The following KATNBL1 variants were observed in gnomAD, a reference collection of about 807,000 sequenced individuals.
KATNBL1 encodes KATNB1-like protein 1.
A neutral mutation model predicts 44.7 loss-of-function variants in KATNBL1; 28 were observed. That is an observed-to-expected ratio of 0.63 (90% CI 0.46 to 0.86). The LOEUF (loss-of-function observed/expected upper bound fraction) is 0.86. Among genes scored for constraint, KATNBL1 ranks in the 40% least tolerant of loss-of-function variants. The probability of loss-of-function intolerance (pLI) is 0.00; values close to 1 mark genes in which losing one functional copy is unlikely to be tolerated. For missense variants in KATNBL1, 272 were observed against 350.7 expected (o/e 0.78, Z 1.79); for synonymous variants, 78 against 114.9 (o/e 0.68, Z 2.06).
Position 34,163,525 on chromosome 15 carries a change from T to C in KATNBL1, c.117+35A>G, listed in dbSNP as rs76821863. 2,829 of 1,571,008 alleles carry C rather than the reference T, an allele frequency of 1.8e-3. 61 individuals are homozygous for C. In the East Asian group the frequency reaches 0.051, roughly 28 times the overall value. ...ATATCTAGAGACCTAACCGTTTAAA[T>C]TGTCTTATCTGTTTTCTAGAAACCA... On this transcript the variant is annotated intron_variant, in intron 2 of 9. Transcript: ENST00000256544.
intron 2 of KATNBL1, among the ~76,000 whole-genome samples, chr15:34,162,280 T>C (rs1206147941): frequency 6.6e-6 from 1 of 152,198 alleles, no homozygotes; most frequent in Non-Finnish European, 1.5e-5. Context: ...ATACTGTTTT[T>C]GTGGTAGTGA....
intron 2 of KATNBL1, among the ~76,000 whole-genome samples, chr15:34,161,355 A>G (rs1468729599): frequency 6.6e-6 from 1 of 152,208 alleles, no homozygotes; most frequent in African/African-American, 2.4e-5. Flanking sequence ...AGGCCACCGC[A>G]ATGAGGCTGC....
chr15:34,178,624 T>C (rs928977428), intron 1 of KATNBL1, among the ~76,000 whole-genome samples: 17 of 151,926 alleles, frequency 1.1e-4, no homozygotes, highest in Non-Finnish European at 2.4e-4. Flanking sequence ...GGTGTGGTGG[T>C]GGGCACTTGT....
intron 1 of KATNBL1, among the ~76,000 whole-genome samples, chr15:34,188,035 A>G (rs1371843365): frequency 6.9e-6 from 1 of 145,088 alleles, no homozygotes; most frequent in Non-Finnish European, 1.5e-5. Flanking sequence ...GCTGCTCGGT[A>G]GGTTGGGGCA....
At chr15:34,142,554 A>T in intron 9 of KATNBL1, 183 bp from the exon 10 acceptor site, 1 of 551,606 alleles carries the variant, frequency 1.8e-6, no homozygotes, top group Non-Finnish European at 3.1e-6. Flanking sequence ...GGCACATAGT[A>T]TGTGCTCAAT....
intron 1 of KATNBL1, among the ~76,000 whole-genome samples, chr15:34,205,920 T>C (rs1035164933): frequency 3.3e-5 from 5 of 152,152 alleles, no homozygotes; most frequent in Non-Finnish European, 5.9e-5. Flanking sequence ...CTTTTAAAAA[T>C]GCCTTTAGGA....
chr15:34,152,809 T>C lies in KATNBL1; in HGVS notation c.419A>G (p.Tyr140Cys), dbSNP rs779505498. The C allele has an allele frequency of 1.9e-6, 3 of 1,612,222 alleles. No individual in the cohort carries two copies. The highest frequency in any genetic ancestry group is 2.5e-6 in the Non-Finnish European group (3 of 1,178,864). The stretch of plus-strand genomic sequence containing the variant: ...ACTTACCTCAGAAAAAAACCCACTA[T>C]ATTTTGATGATGGGCTTTCTGTCTG... ...SSQTESPSSK[Y>C]SGFFSEVSQD... Residue 140 changes from tyrosine (Y) to cysteine (C), a missense_variant, in exon 4 of 10, where the codon TAT becomes TGT. By Grantham distance (194) the Tyr-to-Cys change is radical (BLOSUM62 -2). This residue lies in a region of KATNBL1 where 111 missense variants were observed against 149.3 expected (regional missense o/e 0.74). Coordinates refer to ENST00000256544, the MANE Select transcript of KATNBL1 (RefSeq NM_024713.3).
chr15:34,156,088 A>C (rs1255709564), intron 2 of KATNBL1, among the ~76,000 whole-genome samples: 1 of 152,190 alleles, frequency 6.6e-6, no homozygotes, highest in Non-Finnish European at 1.5e-5. Context: ...GCAAAGGTCT[A>C]CCACAATATC....
In KATNBL1 at chr15:34,160,962, C is replaced by T. The variant is rs188859382; in HGVS notation, c.117+2598G>A. Among the ~76,000 whole-genome samples, 16 of 152,314 alleles carry T rather than the reference C, an allele frequency of 1.1e-4. No individual in the cohort carries two copies. In the East Asian group the frequency reaches 2.5e-3, roughly 24 times the overall value. On this transcript the variant is annotated intron_variant, in intron 2 of 9. Coordinates refer to ENST00000256544, the MANE Select transcript of KATNBL1 (RefSeq NM_024713.3). ...GAGGCTTCTCACATTCTTCTACTTT[C>T]GCTTTATCCTTCTCTGGCTGCTTCC...
intron 9 of KATNBL1, among the ~76,000 whole-genome samples, chr15:34,144,501 C>T (rs16958835): frequency 0.21 from 31,219 of 150,984 alleles, 4,036 homozygotes; most frequent in African/African-American, 0.37. Flanking sequence ...GCAGTATGCC[C>T]GGTAATAAAG....
intron 1 of KATNBL1, among the ~76,000 whole-genome samples, chr15:34,172,760 GACAC>G (rs34182114): frequency 0.35 from 50,586 of 146,212 alleles, 8,921 homozygotes; most frequent in East Asian, 0.59. Flanking sequence ...CACAGACACA[GACAC>G]ACACACACAC....
At chr15:34,175,216 G>A (rs1889293645) in intron 1 of KATNBL1, among the ~76,000 whole-genome samples, 4 of 151,330 alleles carry the variant, frequency 2.6e-5, no homozygotes, top group Admixed American at 6.6e-5. Flanking sequence ...ATCATGAAAT[G>A]CTTGGAAGCA....
At chr15:34,191,445 C>CT (rs1486854503) in intron 1 of KATNBL1, among the ~76,000 whole-genome samples, 4 of 151,774 alleles carry the variant, frequency 2.6e-5, no homozygotes, top group African/African-American at 9.7e-5. Context: ...TGGGTAAATA[C>CT]CCAGAAGTGA....
At chr15:34,165,308 C>T (rs1208265586) in intron 1 of KATNBL1, among the ~76,000 whole-genome samples, 1 of 150,906 alleles carries the variant, frequency 6.6e-6, no homozygotes, top group Non-Finnish European at 1.5e-5. Flanking sequence ...CACAATGCTA[C>T]AATGTGAGAT....
Position 34,152,953 on chromosome 15 carries a change from C to A in KATNBL1, c.275G>T (p.Ser92Ile). ...PCYRKKQSPG[S>I]GGCDMANKEN... The stretch of plus-strand genomic sequence containing the variant: ...TTTATTTGCCATGTCACAGCCCCCA[C>A]TTCCAGGGGACTGTTTTTTTCTGTA... Residue 92 changes from serine to isoleucine, a missense_variant, in exon 4 of 10, where the codon AGT becomes ATT. Physicochemically the swap from Ser to Ile is moderately radical, Grantham distance 142. Transcript: ENST00000256544. The A allele has an allele frequency of 1.2e-6, 2 of 1,614,150 alleles. No individual in the cohort carries two copies. The highest frequency in any genetic ancestry group is 1.7e-6 in the Non-Finnish European group (2 of 1,179,988).
chr15:34,175,322 A>G (rs1055595334), intron 1 of KATNBL1, among the ~76,000 whole-genome samples: 2 of 152,176 alleles, frequency 1.3e-5, no homozygotes, highest in Admixed American at 1.3e-4. Context: ...CAAATGCTTC[A>G]ATAAGCATTC....
At chr15:34,143,400 G>A (rs1035694571) in intron 9 of KATNBL1, among the ~76,000 whole-genome samples, 9 of 152,038 alleles carry the variant, frequency 5.9e-5, no homozygotes, top group African/African-American at 2.2e-4. Context: ...AGGAGGCAGA[G>A]GTTGCAGTGA....
At chr15:34,197,645 TTC>T (rs1353850987) in intron 1 of KATNBL1, among the ~76,000 whole-genome samples, 1 of 152,266 alleles carries the variant, frequency 6.6e-6, no homozygotes, top group Non-Finnish European at 1.5e-5. Flanking sequence ...CATTCCTTTT[TTC>T]TGTTTATTTT....
intron 1 of KATNBL1, among the ~76,000 whole-genome samples, chr15:34,175,745 C>T (rs1325133041): frequency 6.6e-6 from 1 of 152,170 alleles, no homozygotes; most frequent in East Asian, 1.9e-4. Context: ...TGTAAAAATA[C>T]ATTCAAACTT....
Sources: allele counts gnomAD v4.1 joint callset (sites outside exome capture counted in the v4.1 genomes callset), GRCh38; gene constraint gnomAD v4.1.1; regional missense constraint gnomAD v4.1.1; transcripts MANE v1.5; gene names NCBI Gene and HGNC (gene_info 2026-07-23, HGNC 2026-07-21).